Variants in SGMS1 observed in about 807,000 individuals in gnomAD.
The protein encoded by SGMS1 is phosphatidylcholine:ceramide cholinephosphotransferase 1.
Under a neutral mutation model 46.2 loss-of-function variants are expected in SGMS1, and 13 were observed. The ratio of observed to expected loss-of-function variants is 0.28; its 90% confidence interval spans 0.18 to 0.45. The LOEUF is 0.45. SGMS1 is among the 20% of genes least tolerant of loss of function. SGMS1 has a pLI of 1.00. For missense variants in SGMS1, 324 were observed against 519.9 expected, an observed-to-expected ratio of 0.62 and a Z score of 3.66; for synonymous variants, 203 against 187.8, an observed-to-expected ratio of 1.08 and a Z score of -0.66.
At chr10:50,438,212 C>T (rs914150625) in intron 5 of SGMS1, among the ~76,000 whole-genome samples, 7 of 152,210 alleles carry the variant, frequency 4.6e-5, no homozygotes, top group Non-Finnish European at 8.8e-5. Context: ...CTAATTCCCT[C>T]GCCCTTTCAG....
At chr10:50,447,605 G>A (rs908913872) in intron 5 of SGMS1, among the ~76,000 whole-genome samples, 1 of 151,946 alleles carries the variant, frequency 6.6e-6, no homozygotes, top group Admixed American at 6.6e-5. Context: ...AACCCATATT[G>A]TTTCTGCTTC....
intron 3 of SGMS1, among the ~76,000 whole-genome samples, chr10:50,518,609 T>A (rs1837830294): frequency 6.6e-6 from 1 of 152,070 alleles, no homozygotes; most frequent in African/African-American, 2.4e-5. Context: ...ATATTTTTAG[T>A]AAAGACACCA....
chr10:50,623,975 G>A (rs937609601), upstream of SGMS1: 9 of 985,226 alleles, frequency 9.1e-6, no homozygotes, highest in South Asian at 9.4e-5. Flanking sequence ...TGCCCAGTCC[G>A]CTGCCCGAGC....
intron 1 of SGMS1, among the ~76,000 whole-genome samples, chr10:50,594,861 C>T (rs1838575960): frequency 6.6e-6 from 1 of 152,210 alleles, no homozygotes; most frequent in African/African-American, 2.4e-5. Context: ...TTCAACTCAA[C>T]CTCCTGACAG....
At chr10:50,311,533 C>T (rs1847251441) in intron 8 of SGMS1, 118 bp from the exon 9 acceptor site, 4 of 1,073,650 alleles carry the variant, frequency 3.7e-6, no homozygotes, top group Non-Finnish European at 5.1e-6. Flanking sequence ...AAAATCCCCA[C>T]CAGGAAGTTT....
intron 1 of SGMS1, among the ~76,000 whole-genome samples, chr10:50,609,732 T>C (rs1383318916): frequency 6.6e-6 from 1 of 152,134 alleles, no homozygotes; most frequent in East Asian, 1.9e-4. Context: ...AATAATGACC[T>C]TGATTATTTC....
At chr10:50,520,599 C>T (rs942728665) in intron 2 of SGMS1, among the ~76,000 whole-genome samples, 1 of 152,154 alleles carries the variant, frequency 6.6e-6, no homozygotes, top group Non-Finnish European at 1.5e-5. Context: ...GAAATCAGTG[C>T]CCAGCTCTAC....
chr10:50,489,683 A>G (rs1055734973), intron 3 of SGMS1, among the ~76,000 whole-genome samples: 2 of 152,248 alleles, frequency 1.3e-5, no homozygotes, highest in African/African-American at 4.8e-5. Context: ...TCATTAAAAA[A>G]TAAACATGGT....
intron 6 of SGMS1, among the ~76,000 whole-genome samples, chr10:50,380,928 C>T (rs892999715): frequency 5.3e-5 from 8 of 151,798 alleles, no homozygotes; most frequent in South Asian, 2.1e-4. Context: ...CTCTTGGGGC[C>T]CAAATGATCC....
Position 50,390,686 on chromosome 10 carries a change from T to C in SGMS1, c.-232+42790A>G, listed in dbSNP as rs960488080. 9.2e-5 allele frequency among the ~76,000 whole-genome samples: 14 copies of C among 152,218 alleles called. 1 individual carries two copies. Among genetic ancestry groups the C allele is most frequent in the Admixed American group, 9.2e-4 (14 of 15,276 alleles). The stretch of plus-strand genomic sequence containing the variant: ...AACAATTAGAATGTTCATGTCTAGA[T>C]ACTTTAAAAATCTTTTTTGGAATTA... On this transcript the variant is annotated intron_variant, in intron 6 of 10. Coordinates refer to ENST00000361781, the MANE Select transcript of SGMS1 (RefSeq NM_147156.4).
At chr10:50,531,841 G>A (rs947349994) in intron 2 of SGMS1, among the ~76,000 whole-genome samples, 2 of 152,190 alleles carry the variant, frequency 1.3e-5, no homozygotes, top group Non-Finnish European at 2.9e-5. Context: ...GCAATAGCAT[G>A]ATAAGGTAGG....
chr10:50,401,452 CA>C (rs1848939157), intron 6 of SGMS1, among the ~76,000 whole-genome samples: 1 of 152,170 alleles, frequency 6.6e-6, no homozygotes, highest in Non-Finnish European at 1.5e-5. Context: ...TGGGATCCCT[CA>C]GTGAGTGGCA....
rs573336881 is a variant in SGMS1, at chr10:50,614,582, C to G, written c.-684+9125G>C. Reference sequence around the variant, plus strand: ...TGCCCACTGCCACCTGCCCCAAGCTCTTTGCCTCAGAAACTCTGGCAGAGG... The same window carrying G: ...TGCCCACTGCCACCTGCCCCAAGCTGTTTGCCTCAGAAACTCTGGCAGAGG... On this transcript the variant is annotated intron_variant, in intron 1 of 10. Transcript: ENST00000361781. Among the ~76,000 whole-genome samples the G allele has an allele frequency of 2.0e-5, 3 of 152,352 alleles. No homozygotes were observed. In the South Asian group the frequency reaches 6.2e-4, roughly 32 times the overall value.
chr10:50,559,587 A>G (rs1368071044), intron 2 of SGMS1, among the ~76,000 whole-genome samples: 1 of 152,260 alleles, frequency 6.6e-6, no homozygotes, highest in Non-Finnish European at 1.5e-5. Flanking sequence ...AGGGTCACGC[A>G]GATCTAAGTA....
At chr10:50,445,527 C>T (rs1020893992) in intron 5 of SGMS1, among the ~76,000 whole-genome samples, 25 of 152,234 alleles carry the variant, frequency 1.6e-4, no homozygotes, top group African/African-American at 2.6e-4. Context: ...TAATTTCTTA[C>T]GCCTGTCTTT....
At chr10:50,598,366 T>TG (rs768674624) in intron 1 of SGMS1, among the ~76,000 whole-genome samples, 2 of 152,216 alleles carry the variant, frequency 1.3e-5, no homozygotes, top group Non-Finnish European at 2.9e-5. Context: ...TAAATGGCTG[T>TG]TGTTTAAGCT....
intron 5 of SGMS1, among the ~76,000 whole-genome samples, chr10:50,440,989 A>G (rs896295753): frequency 8.5e-5 from 13 of 152,226 alleles, no homozygotes; most frequent in African/African-American, 3.1e-4. Context: ...TAACATTACT[A>G]TCCTAGTTTT....
intron 3 of SGMS1, among the ~76,000 whole-genome samples, chr10:50,481,324 A>G (rs976505210): frequency 2.6e-5 from 4 of 152,210 alleles, no homozygotes; most frequent in Non-Finnish European, 5.9e-5. Flanking sequence ...GAGCTCCCAG[A>G]GGAAAAACCA....
intron 6 of SGMS1, among the ~76,000 whole-genome samples, chr10:50,429,031 A>T (rs1413298996): frequency 6.6e-6 from 1 of 152,230 alleles, no homozygotes; most frequent in Non-Finnish European, 1.5e-5. Flanking sequence ...TGAATACTGT[A>T]CTGAAAGTTA....
Sources: gnomAD v4.1 joint callset for allele counts (sites outside exome capture counted in the v4.1 genomes callset) on GRCh38, gnomAD v4.1.1 for gene constraint, MANE v1.5 for transcripts, NCBI Gene and HGNC (gene_info 2026-07-23, HGNC 2026-07-21) for gene names.